The following AGMO variants were observed in gnomAD, a reference collection of about 807,000 sequenced individuals.
AGMO encodes glyceryl-ether monooxygenase.
AGMO carries 75 observed loss-of-function variants against 60.2 expected under a neutral mutation model. The observed-to-expected ratio is 1.25, with a 90% CI of 1.03 to 1.51. AGMO has a LOEUF of 1.51. Among genes scored for constraint, AGMO ranks in the 40% most tolerant of loss-of-function variants. The probability of loss-of-function intolerance (pLI) is 0.00; values close to 1 mark genes in which losing one functional copy is unlikely to be tolerated. For missense variants in AGMO, 763 were observed against 525.5 expected (o/e 1.45, Z -4.42); for synonymous variants, 261 against 177.1 (o/e 1.47, Z -3.76).
intron 5 of AGMO, among the ~76,000 whole-genome samples, chr7:15,410,443 T>C (rs1370407609): frequency 1.3e-5 from 2 of 151,870 alleles, no homozygotes; most frequent in East Asian, 3.8e-4. Flanking sequence ...CAAATTTTTA[T>C]AGTTAAGAAT....
chr7:15,269,022 T>A (rs1783517901), intron 12 of AGMO, among the ~76,000 whole-genome samples: 2 of 152,058 alleles, frequency 1.3e-5, no homozygotes, highest in Non-Finnish European at 2.9e-5. Context: ...ATTGAGCAAA[T>A]TTCTTCTATA....
chr7:15,186,379 G>C, the AGMO span, among the ~76,000 whole-genome samples: 20 of 152,242 alleles, frequency 1.3e-4, no homozygotes, highest in Middle Eastern at 3.4e-3. Flanking sequence ...CTTTTCCAGA[G>C]CCCTTTGGCT....
chr7:15,523,450 A>T (rs185863827), intron 3 of AGMO, among the ~76,000 whole-genome samples: 123 of 152,366 alleles, frequency 8.1e-4, no homozygotes, highest in Non-Finnish European at 1.3e-3. Flanking sequence ...CATCCATGAT[A>T]GACTGGATAA....
At chr7:15,400,262 G>A (rs1025643583) in intron 5 of AGMO, among the ~76,000 whole-genome samples, 1 of 151,948 alleles carries the variant, frequency 6.6e-6, no homozygotes, top group African/African-American at 2.4e-5. Flanking sequence ...TCAAATTGGG[G>A]TGATTATCAC....
chr7:15,323,925 C>G (rs1781259259), intron 12 of AGMO, among the ~76,000 whole-genome samples: 1 of 152,166 alleles, frequency 6.6e-6, no homozygotes, highest in South Asian at 2.1e-4. Flanking sequence ...TTGCTACTAC[C>G]TCAGAGTAAG....
chr7:15,558,375 A>G (rs1391219713), intron 2 of AGMO, among the ~76,000 whole-genome samples: 1 of 152,080 alleles, frequency 6.6e-6, no homozygotes, highest in Non-Finnish European at 1.5e-5. Flanking sequence ...GGTGACGTTT[A>G]TAGTTTATCA....
chr7:15,363,887 GC>G (rs1425553943), intron 12 of AGMO, among the ~76,000 whole-genome samples: 1 of 151,810 alleles, frequency 6.6e-6, no homozygotes, highest in Non-Finnish European at 1.5e-5. Flanking sequence ...ATTAGAATGT[GC>G]CCCTCATCTA....
intron 12 of AGMO, among the ~76,000 whole-genome samples, chr7:15,208,977 C>G (rs1209629939): frequency 6.6e-6 from 1 of 152,130 alleles, no homozygotes. Flanking sequence ...TTATTACTGA[C>G]CACTAAAATT....
At position 15,430,690 on chromosome 7, in the gene AGMO, T is replaced by C. The variant is rs891718828; in HGVS notation, c.513+315A>G. 7.3e-5 allele frequency among the ~76,000 whole-genome samples: 11 copies of C among 150,644 alleles called. No individual in the cohort carries two copies. The East Asian group carries it at 7.8e-4, about 11-fold the overall frequency. ...GAAATCCTTGTTACATATATTTAAA[T>C]GGAGATACCTTATCTATACATCACC... On this transcript the variant is annotated intron_variant, in intron 4 of 12. Coordinates refer to ENST00000342526, the MANE Select transcript of AGMO (RefSeq NM_001004320.2).
At chr7:15,270,335 TATC>T (rs1264157738) in intron 12 of AGMO, among the ~76,000 whole-genome samples, 1 of 152,034 alleles carries the variant, frequency 6.6e-6, no homozygotes, top group Non-Finnish European at 1.5e-5. Context: ...TATGAGATGA[TATC>T]ATATTGAGAT....
intron 5 of AGMO, among the ~76,000 whole-genome samples, chr7:15,415,099 TA>T (rs1181221913): frequency 2.0e-5 from 3 of 151,788 alleles, no homozygotes; most frequent in African/African-American, 7.3e-5. Context: ...AGAGAATATT[TA>T]AAAAAAATAG....
chr7:15,216,691 T>A (rs1781747300), intron 12 of AGMO, among the ~76,000 whole-genome samples: 1 of 152,152 alleles, frequency 6.6e-6, no homozygotes, highest in Admixed American at 6.6e-5. Context: ...CAAGTTTTTT[T>A]AAGATATAAA....
At chr7:15,477,129 T>C (rs1377051271) in intron 3 of AGMO, among the ~76,000 whole-genome samples, 1 of 145,682 alleles carries the variant, frequency 6.9e-6, no homozygotes, top group African/African-American at 2.4e-5. Context: ...TTTTAGAACA[T>C]TCTTTTTTTT....
rs186679672 is a variant in AGMO at position 15,235,227 on chromosome 7, T to C, written c.1264-33868A>G. On this transcript the variant is annotated intron_variant, in intron 12 of 12. Coordinates refer to ENST00000342526, the MANE Select transcript of AGMO (RefSeq NM_001004320.2). Reference sequence around the variant, plus strand: ...TCTATAATATATATATATCTAAACATGACTCTCACTGTATTGAAATTATGT... The same window carrying C: ...TCTATAATATATATATATCTAAACACGACTCTCACTGTATTGAAATTATGT... 5.2e-4 allele frequency among the ~76,000 whole-genome samples: 79 copies of C among 152,236 alleles called. No homozygotes were observed. In the South Asian group the frequency reaches 0.011, roughly 21 times the overall value.
intron 3 of AGMO, among the ~76,000 whole-genome samples, chr7:15,482,913 C>G (rs917917113): frequency 6.6e-6 from 1 of 152,086 alleles, no homozygotes; most frequent in African/African-American, 2.4e-5. Flanking sequence ...AGAAAATTCC[C>G]TTGAGAAAAC....
intron 3 of AGMO, among the ~76,000 whole-genome samples, chr7:15,540,315 A>T (rs1784591972): frequency 6.6e-6 from 1 of 152,166 alleles, no homozygotes; most frequent in African/African-American, 2.4e-5. Context: ...AGAGTGTATG[A>T]GCTACAGCTA....
chr7:15,385,182 G>A (rs779397623), intron 10 of AGMO, among the ~76,000 whole-genome samples: 7 of 152,076 alleles, frequency 4.6e-5, no homozygotes, highest in Non-Finnish European at 1.0e-4. Flanking sequence ...ATTTGTTTAT[G>A]GCAAATAATT....
intron 3 of AGMO, among the ~76,000 whole-genome samples, chr7:15,447,628 G>A (rs1317348015): frequency 1.3e-5 from 2 of 151,942 alleles, no homozygotes; most frequent in Non-Finnish European, 1.5e-5. Context: ...TTGGCTCACT[G>A]CAACCTCCAC....
Position 15,390,854 on chromosome 7 carries a change from C to G in AGMO, c.728G>C (p.Trp243Ser). The change falls in exon 7 of 13, where the codon TGG becomes TCG. Residue 243 changes from tryptophan (W) to serine (S), a missense_variant. Coordinates refer to ENST00000342526, the MANE Select transcript of AGMO (RefSeq NM_001004320.2). ...ATTTTACTTACCAAAAATTTTATCC[C>G]AAATAATAAGAACACCAGCATAATT... ...DKNYAGVLII[W>S]DKIFGTFEAE... is the part of the protein sequence containing the mutation. 6.2e-7 allele frequency: 1 copy of G among 1,604,278 alleles called. No individual in the cohort carries two copies. Among genetic ancestry groups the G allele is most frequent in the East Asian group, 2.2e-5 (1 of 44,534 alleles).
Sources: gnomAD v4.1 joint callset for allele counts (sites outside exome capture counted in the v4.1 genomes callset) on GRCh38, gnomAD v4.1.1 for gene constraint, MANE v1.5 for transcripts, NCBI Gene and HGNC (gene_info 2026-07-23, HGNC 2026-07-21) for gene names.